Variants in NAV2 observed in about 807,000 individuals in gnomAD.
The protein encoded by NAV2 is neuron navigator 2, also known as helicase, APC down-regulated 1.
Under a neutral mutation model 223.2 loss-of-function variants are expected in NAV2, and 54 were observed. That is an observed-to-expected ratio of 0.24 (90% CI 0.19 to 0.30). The LOEUF is 0.30. NAV2 is among the 10% of genes least tolerant of loss of function. NAV2 has a pLI of 1.00. For missense variants in NAV2, 2,806 were observed against 3,147.5 expected (o/e 0.89, Z 2.60); for synonymous variants, 1,279 against 1,239.3 (o/e 1.03, Z -0.67).
At chr11:19,544,318 G>A (rs1325120831) in intron 1 of NAV2, among the ~76,000 whole-genome samples, 4 of 152,106 alleles carry the variant, frequency 2.6e-5, no homozygotes, top group Non-Finnish European at 5.9e-5. Flanking sequence ...AATGGGATCC[G>A]TGCTGTAAGA....
intron 11 of NAV2, among the ~76,000 whole-genome samples, chr11:20,024,091 C>T (rs1330197257): frequency 6.6e-6 from 1 of 152,090 alleles, no homozygotes. Flanking sequence ...CATCTGAGCT[C>T]GGAATGGTTT....
intron 1 of NAV2, among the ~76,000 whole-genome samples, chr11:19,751,478 CT>C (rs2053812303): frequency 6.6e-6 from 1 of 152,200 alleles, no homozygotes; most frequent in South Asian, 2.1e-4. Flanking sequence ...TTTCCCAGAT[CT>C]CACTCCACAC....
chr11:19,667,088 A>T (rs1222454269), intron 1 of NAV2, among the ~76,000 whole-genome samples: 1 of 151,256 alleles, frequency 6.6e-6, no homozygotes, highest in East Asian at 1.9e-4. Context: ...TCCCATTGTC[A>T]GTCTCCCCCA....
chr11:19,408,808 C>CT (rs563780211), intron 1 of NAV2, among the ~76,000 whole-genome samples: 28 of 144,884 alleles, frequency 1.9e-4, no homozygotes, highest in South Asian at 4.4e-4. Context: ...TTTACAGCCT[C>CT]TTTTTTCTGG....
chr11:19,409,147 GC>G (rs1170439101), intron 1 of NAV2, among the ~76,000 whole-genome samples: 3 of 152,094 alleles, frequency 2.0e-5, no homozygotes, highest in Non-Finnish European at 4.4e-5. Flanking sequence ...CAAATCATTG[GC>G]CCACCCCATG....
At chr11:19,767,949 T>C (rs2055360581) in intron 1 of NAV2, among the ~76,000 whole-genome samples, 1 of 152,198 alleles carries the variant, frequency 6.6e-6, no homozygotes, top group South Asian at 2.1e-4. Flanking sequence ...ACGGGCTTGA[T>C]CCCTGCCAAC....
chr11:19,721,595 G>A (rs531395198), intron 1 of NAV2, among the ~76,000 whole-genome samples: 88 of 152,348 alleles, frequency 5.8e-4, no homozygotes, highest in African/African-American at 2.0e-3. Context: ...TAAAGCAGGT[G>A]AAGGACTCTT....
At chr11:19,908,578 A>G (rs75127300) in intron 6 of NAV2, among the ~76,000 whole-genome samples, 2,988 of 152,368 alleles carry the variant, frequency 0.02, 45 homozygotes, top group Non-Finnish European at 0.03. Context: ...ACATGTGACT[A>G]TTAAGCAATT....
intron 1 of NAV2, among the ~76,000 whole-genome samples, chr11:19,370,875 C>T (rs1271099869): frequency 6.6e-6 from 1 of 152,216 alleles, no homozygotes; most frequent in African/African-American, 2.4e-5. Context: ...CTCTCCAATT[C>T]TGAATTTTGG....
intron 1 of NAV2, among the ~76,000 whole-genome samples, chr11:19,617,182 G>A (rs550152482): frequency 1.4e-4 from 21 of 152,246 alleles, no homozygotes; most frequent in African/African-American, 3.9e-4. Flanking sequence ...TATTTCTGAT[G>A]ACCTAGTTGA....
intron 1 of NAV2, among the ~76,000 whole-genome samples, chr11:19,818,197 GT>G (rs1366598341): frequency 1.6e-5 from 2 of 126,490 alleles, no homozygotes; most frequent in Admixed American, 1.5e-4. Context: ...AATAACTCAT[GT>G]TTTTTTCCTG....
intron 12 of NAV2, among the ~76,000 whole-genome samples, chr11:20,037,969 G>A (rs550706917): frequency 7.2e-5 from 11 of 152,034 alleles, no homozygotes; most frequent in Admixed American, 2.6e-4. Context: ...GCTATTAGAG[G>A]TACTGCAGAG....
intron 1 of NAV2, among the ~76,000 whole-genome samples, chr11:19,726,493 C>T (rs2051269143): frequency 6.6e-6 from 1 of 152,218 alleles, no homozygotes; most frequent in Non-Finnish European, 1.5e-5. Context: ...ATACCAACAG[C>T]ACTCACTCCC....
At chr11:19,470,125 G>A (rs1472177639) in intron 1 of NAV2, among the ~76,000 whole-genome samples, 1 of 152,212 alleles carries the variant, frequency 6.6e-6, no homozygotes, top group East Asian at 1.9e-4. Flanking sequence ...GAGCTATGGG[G>A]CTTCAAGGAC....
intron 1 of NAV2, among the ~76,000 whole-genome samples, chr11:19,427,119 G>C (rs1335864447): frequency 3.9e-5 from 6 of 152,136 alleles, no homozygotes; most frequent in Admixed American, 1.3e-4. Flanking sequence ...ATCAAAATAA[G>C]CTTTTCCTCC....
chr11:19,687,210 A>T (rs1042714515), intron 1 of NAV2, among the ~76,000 whole-genome samples: 1 of 152,220 alleles, frequency 6.6e-6, no homozygotes, highest in Non-Finnish European at 1.5e-5. Flanking sequence ...CTGTCAGCCC[A>T]GCATCTCCGA....
At chr11:19,528,450 C>G (rs1012742528) in intron 1 of NAV2, among the ~76,000 whole-genome samples, 3 of 152,162 alleles carry the variant, frequency 2.0e-5, no homozygotes, top group Non-Finnish European at 2.9e-5. Flanking sequence ...GTCCATTTCT[C>G]ATACACACTG....
At chr11:19,387,664 G>A (rs1849094760) in intron 1 of NAV2, among the ~76,000 whole-genome samples, 1 of 152,142 alleles carries the variant, frequency 6.6e-6, no homozygotes, top group Non-Finnish European at 1.5e-5. Context: ...CCCAGAGACT[G>A]GAAATAGAGG....
chr11:20,079,803 G>A (rs1047463473), intron 24 of NAV2, among the ~76,000 whole-genome samples: 1 of 152,102 alleles, frequency 6.6e-6, no homozygotes, highest in African/African-American at 2.4e-5. Flanking sequence ...AAGAGCTGGT[G>A]TTGGGGAAAT....
Sources: allele counts gnomAD v4.1 joint callset (sites outside exome capture counted in the v4.1 genomes callset), GRCh38; gene constraint gnomAD v4.1.1; transcripts MANE v1.5; gene names NCBI Gene and HGNC (gene_info 2026-07-23, HGNC 2026-07-21).